Variants in FRMD6 observed in about 807,000 individuals in gnomAD.
FRMD6 encodes the protein FERM domain-containing protein 6.
A neutral mutation model predicts 73.2 loss-of-function variants in FRMD6; 37 were observed. The observed-to-expected ratio is 0.51, with a 90% CI of 0.39 to 0.66. The LOEUF (loss-of-function observed/expected upper bound fraction) is 0.66. Among genes scored for constraint, FRMD6 ranks in the 30% least tolerant of loss-of-function variants. The pLI, the probability that FRMD6 is intolerant of heterozygous loss-of-function variation, is 0.00. For missense variants in FRMD6, 714 were observed against 780.5 expected (o/e 0.91, Z 1.02); for synonymous variants, 273 against 282.2 (o/e 0.97, Z 0.33).
At chr14:51,434,906 C>G in the FRMD6 span, among the ~76,000 whole-genome samples, 1 of 152,100 alleles carries the variant, frequency 6.6e-6, no homozygotes, top group Non-Finnish European at 1.5e-5. Flanking sequence ...AAAGTATAAT[C>G]ATGAGAAATT....
chr14:51,675,266 G>C lies in FRMD6; in HGVS notation c.-146-14425G>C, dbSNP rs567148060. Among the ~76,000 whole-genome samples the C allele has an allele frequency of 4.2e-4, 64 of 152,142 alleles. No individual in the cohort carries two copies. The Middle Eastern group carries it at 0.01, about 24-fold the overall frequency. ...ACAGCCATCCCTAGCTCCCAGTTAT[G>C]TTCCTGACAGCTACCTTAGCAGTCT... On this transcript the variant is annotated intron_variant, in intron 1 of 13. Coordinates refer to ENST00000344768, the MANE Select transcript of FRMD6 (RefSeq NM_001267046.2).
intron 2 of FRMD6, among the ~76,000 whole-genome samples, chr14:51,646,306 A>T (rs894860871): frequency 1.5e-5 from 2 of 130,216 alleles, no homozygotes; most frequent in Non-Finnish European, 3.2e-5. Context: ...CGACACAGCG[A>T]GACTCCATAT....
intron 1 of FRMD6, among the ~76,000 whole-genome samples, chr14:51,676,561 A>G (rs936064807): frequency 2.0e-5 from 3 of 152,182 alleles, no homozygotes; most frequent in African/African-American, 7.2e-5. Flanking sequence ...AGCATTTCAT[A>G]CTTGTCCTGC....
intron 2 of FRMD6, among the ~76,000 whole-genome samples, chr14:51,620,627 T>C (rs11847523): frequency 0.78 from 119,224 of 152,110 alleles, 47,021 homozygotes; most frequent in Middle Eastern, 0.82. Flanking sequence ...CCCCTAGGAA[T>C]GTCACCTTTC....
At chr14:51,651,409 A>G (rs1892363851), upstream of FRMD6, 1 of 152,282 alleles carries the variant, frequency 6.6e-6, no homozygotes, top group South Asian at 2.1e-4. Context: ...CTTTAGTAAG[A>G]CGACACTCAG....
At chr14:51,564,125 A>G (rs985848625) in intron 1 of FRMD6, among the ~76,000 whole-genome samples, 4 of 152,160 alleles carry the variant, frequency 2.6e-5, no homozygotes, top group African/African-American at 9.6e-5. Flanking sequence ...GATTGGCCCG[A>G]TTTCCTCCAC....
At chr14:51,676,846 T>C (rs190162951) in intron 1 of FRMD6, among the ~76,000 whole-genome samples, 1 of 152,308 alleles carries the variant, frequency 6.6e-6, no homozygotes, top group African/African-American at 2.4e-5. Flanking sequence ...ATTTTGAAGT[T>C]AATCATACCT....
chr14:51,718,825 A>G (rs568167512), intron 10 of FRMD6, among the ~76,000 whole-genome samples: 84 of 151,074 alleles, frequency 5.6e-4, no homozygotes, highest in African/African-American at 2.0e-3. Flanking sequence ...TTTTTTTTGC[A>G]TTTTGCATCC....
At chr14:51,658,025 G>A (rs528165799) in intron 1 of FRMD6, among the ~76,000 whole-genome samples, 1 of 152,328 alleles carries the variant, frequency 6.6e-6, no homozygotes, top group East Asian at 1.9e-4. Flanking sequence ...TTGTTGGAGA[G>A]AGAGAAGGCA....
chr14:51,557,779 G>A (rs1887228596), intron 1 of FRMD6, among the ~76,000 whole-genome samples: 1 of 152,070 alleles, frequency 6.6e-6, no homozygotes, highest in Non-Finnish European at 1.5e-5. Flanking sequence ...ACACAAAGAA[G>A]GGAACAACAG....
chr14:51,521,040 G>C (rs1884928923), intron 1 of FRMD6, among the ~76,000 whole-genome samples: 1 of 152,184 alleles, frequency 6.6e-6, no homozygotes, highest in Admixed American at 6.5e-5. Flanking sequence ...TTATGATGCT[G>C]AAAAAGACAA....
chr14:51,717,931 G>A (rs1249341679), intron 10 of FRMD6, among the ~76,000 whole-genome samples: 1 of 152,118 alleles, frequency 6.6e-6, no homozygotes, highest in African/African-American at 2.4e-5. Flanking sequence ...TCAACAGCTG[G>A]AGCTTATTCC....
At chr14:51,693,547 A>G (rs1171670160) in intron 2 of FRMD6, among the ~76,000 whole-genome samples, 2 of 152,168 alleles carry the variant, frequency 1.3e-5, no homozygotes, top group Non-Finnish European at 2.9e-5. Context: ...TGAAGTAGGG[A>G]TAATCTTACC....
At chr14:51,438,807 C>T in the FRMD6 span, among the ~76,000 whole-genome samples, 2 of 152,192 alleles carry the variant, frequency 1.3e-5, no homozygotes, top group East Asian at 1.9e-4. Flanking sequence ...CCTGCCACTA[C>T]CATCAAATAG....
the FRMD6 span, among the ~76,000 whole-genome samples, chr14:51,446,254 G>A: frequency 2.0e-5 from 3 of 152,196 alleles, no homozygotes; most frequent in Non-Finnish European, 2.9e-5. Flanking sequence ...AACCAGAGGA[G>A]TGACCGCGAT....
intron 6 of FRMD6, among the ~76,000 whole-genome samples, chr14:51,705,457 C>G (rs546023135): frequency 2.0e-4 from 30 of 152,176 alleles, no homozygotes; most frequent in African/African-American, 7.2e-4. Flanking sequence ...CTGTCTGTTT[C>G]TCTTCCCGTC....
the FRMD6 span, among the ~76,000 whole-genome samples, chr14:51,441,525 T>G: frequency 6.6e-6 from 1 of 152,256 alleles, no homozygotes; most frequent in Admixed American, 6.5e-5. Context: ...TTTTAAACTT[T>G]TATATGTCTT....
intron 1 of FRMD6, among the ~76,000 whole-genome samples, chr14:51,569,068 A>G (rs867127781): frequency 1.9e-4 from 29 of 151,666 alleles, no homozygotes; most frequent in African/African-American, 5.8e-4. Context: ...CTGGTCTCGA[A>G]CTCCTGACCT....
intron 1 of FRMD6, among the ~76,000 whole-genome samples, chr14:51,541,535 A>G (rs1415933385): frequency 1.3e-5 from 2 of 152,082 alleles, no homozygotes; most frequent in Non-Finnish European, 2.9e-5. Flanking sequence ...AGGAGGTGGA[A>G]GACAAAAACT....
Sources: allele counts gnomAD v4.1 joint callset (sites outside exome capture counted in the v4.1 genomes callset), GRCh38; gene constraint gnomAD v4.1.1; transcripts MANE v1.5; gene names NCBI Gene and HGNC (gene_info 2026-07-23, HGNC 2026-07-21).